Variants in MAPK10 observed in about 807,000 individuals in gnomAD.
MAPK10 encodes mitogen-activated protein kinase 10.
MAPK10 carries 25 observed loss-of-function variants against 59.3 expected under a neutral mutation model. That is an observed-to-expected ratio of 0.42 (90% CI 0.31 to 0.59). The LOEUF is 0.59. Ranked by LOEUF, MAPK10 falls within the 20% of genes least tolerant of loss-of-function variation. The pLI is 0.15. For synonymous variants in MAPK10, 190 were observed against 200.5 expected, an observed-to-expected ratio of 0.95 and a Z score of 0.44; for missense variants, 351 against 568.9, an observed-to-expected ratio of 0.62 and a Z score of 3.90.
At chr4:86,211,116 C>G (rs931073108) in intron 2 of MAPK10, among the ~76,000 whole-genome samples, 2 of 151,850 alleles carry the variant, frequency 1.3e-5, no homozygotes, top group African/African-American at 4.8e-5. Context: ...AACCAACTTA[C>G]ACATTGTGGA....
At chr4:86,292,135 C>G (rs1396454238) in intron 2 of MAPK10, among the ~76,000 whole-genome samples, 1 of 152,070 alleles carries the variant, frequency 6.6e-6, no homozygotes, top group African/African-American at 2.4e-5. Flanking sequence ...CAATATTTGT[C>G]TAATTATTAG....
chr4:86,575,435 G>A (rs974319323), intron 1 of MAPK10, among the ~76,000 whole-genome samples: 1 of 152,068 alleles, frequency 6.6e-6, no homozygotes, highest in African/African-American at 2.4e-5. Flanking sequence ...CAAGTAGTTA[G>A]AACAAATGTA....
At chr4:86,194,163 G>A (rs1375347873) in intron 3 of MAPK10, 173 bp downstream of exon 3, 2 of 598,820 alleles carry the variant, frequency 3.3e-6, no homozygotes, top group Non-Finnish European at 5.9e-6. Flanking sequence ...GATCTTGCTG[G>A]GAGCTGGAGA....
intron 1 of MAPK10, among the ~76,000 whole-genome samples, chr4:86,486,394 G>A (rs1357463977): frequency 6.6e-6 from 1 of 152,184 alleles, no homozygotes; most frequent in African/African-American, 2.4e-5. Flanking sequence ...GAGAAGCAAT[G>A]CAAGTAACTT....
chr4:86,341,449 C>T (rs1298074614), intron 2 of MAPK10, among the ~76,000 whole-genome samples: 2 of 152,096 alleles, frequency 1.3e-5, no homozygotes, highest in East Asian at 1.9e-4. Flanking sequence ...TACATGAGTC[C>T]AAAAAGGAAA....
intron 1 of MAPK10, among the ~76,000 whole-genome samples, chr4:86,518,661 G>GT (rs1427214479): frequency 6.6e-6 from 1 of 150,588 alleles, no homozygotes; most frequent in African/African-American, 2.4e-5. Flanking sequence ...CTGGGCTTGG[G>GT]TTTGGTTTGT....
intron 2 of MAPK10, among the ~76,000 whole-genome samples, chr4:86,260,188 T>A (rs1469866889): frequency 1.3e-5 from 2 of 152,116 alleles, no homozygotes; most frequent in Non-Finnish European, 2.9e-5. Context: ...GATCACTCAG[T>A]CTCATTTTGG....
intron 1 of MAPK10, among the ~76,000 whole-genome samples, chr4:86,569,707 T>TAAA (rs1761320225): frequency 6.6e-6 from 1 of 151,846 alleles, no homozygotes; most frequent in Non-Finnish European, 1.5e-5. Context: ...AAACAGAAAA[T>TAAA]CAAAAACCAC....
intron 2 of MAPK10, among the ~76,000 whole-genome samples, chr4:86,238,619 G>T (rs1402580000): frequency 6.6e-6 from 1 of 152,132 alleles, no homozygotes; most frequent in African/African-American, 2.4e-5. Flanking sequence ...TTGTGAATGG[G>T]AGTTCATTCA....
chr4:86,279,664 G>T (rs902290454), intron 2 of MAPK10, among the ~76,000 whole-genome samples: 2 of 152,106 alleles, frequency 1.3e-5, no homozygotes, highest in Non-Finnish European at 2.9e-5. Context: ...CTCTCTTGCT[G>T]CAATGAAGCT....
intron 7 of MAPK10, chr4:86,101,580 T>G: frequency 2.5e-6 from 1 of 407,270 alleles, no homozygotes; most frequent in Non-Finnish European, 4.4e-6. Context: ...GCTGTCTTTA[T>G]GCTGCCAGAA....
intron 11 of MAPK10, among the ~76,000 whole-genome samples, chr4:86,035,558 T>C (rs1057134710): frequency 6.6e-6 from 1 of 151,028 alleles, no homozygotes; most frequent in Non-Finnish European, 1.5e-5. Flanking sequence ...ATATTGAAAG[T>C]TCTGACTGCG....
rs545556282 is a variant in MAPK10 at position 86,476,678 on chromosome 4, C to T, written c.-263+117232G>A. Among the ~76,000 whole-genome samples, 24 of 152,284 alleles carry T rather than the reference C, an allele frequency of 1.6e-4. No homozygotes were observed. In the South Asian group the frequency reaches 4.8e-3, roughly 30 times the overall value. On this transcript the variant is annotated intron_variant, in intron 1 of 4. Coordinates refer to the MAPK10 transcript ENST00000502302. ...AACCCCACAACAGGACTTAATTAAC[C>T]TCACCTTTAAGGTGTACAATAATAG...
At chr4:86,029,021 T>C in intron 13 of MAPK10, 176 bp downstream of exon 13, 1 of 696,056 alleles carries the variant, frequency 1.4e-6, no homozygotes, top group Admixed American at 2.0e-5. Flanking sequence ...ATAATCAGAA[T>C]GAATGCCACA....
At chr4:86,548,720 G>A (rs141921656) in intron 1 of MAPK10, among the ~76,000 whole-genome samples, 1 of 152,286 alleles carries the variant, frequency 6.6e-6, no homozygotes, top group South Asian at 2.1e-4. Context: ...TTTCTTCATA[G>A]CAGTGTGAGA....
chr4:86,535,092 T>C lies in MAPK10; in HGVS notation c.-263+58818A>G, dbSNP rs527763880. ...AATGCCACAGATTCATGTCCATCTA[T>C]ATACATGGCTTAATACTCTTTTCCT... On this transcript the variant is annotated intron_variant, in intron 1 of 4. Transcript: ENST00000502302. Among the ~76,000 whole-genome samples the C allele has an allele frequency of 3.9e-5, 6 of 152,292 alleles. No individual in the cohort carries two copies. In the East Asian group the frequency reaches 1.2e-3, roughly 29 times the overall value.
chr4:86,336,144 G>A (rs531100982), intron 2 of MAPK10, among the ~76,000 whole-genome samples: 73 of 152,262 alleles, frequency 4.8e-4, no homozygotes, highest in African/African-American at 1.7e-3. Context: ...AATGTCTTGG[G>A]AAAACAACTA....
intron 1 of MAPK10, among the ~76,000 whole-genome samples, chr4:86,565,694 T>A (rs1223407523): frequency 1.3e-5 from 2 of 152,228 alleles, no homozygotes; most frequent in Non-Finnish European, 2.9e-5. Flanking sequence ...AGGAATAGAT[T>A]AGATTTAGCT....
chr4:86,560,186 T>C (rs1293833427), intron 1 of MAPK10, among the ~76,000 whole-genome samples: 1 of 152,204 alleles, frequency 6.6e-6, no homozygotes, highest in Non-Finnish European at 1.5e-5. Context: ...TATGTAAACA[T>C]ACAAACGCAC....
Sources: allele counts gnomAD v4.1 joint callset (sites outside exome capture counted in the v4.1 genomes callset), GRCh38; gene constraint gnomAD v4.1.1; transcripts MANE v1.5; gene names NCBI Gene and HGNC (gene_info 2026-07-23, HGNC 2026-07-21).